PLXDC2: variants seen among roughly 807,000 people sequenced by gnomAD.
The protein encoded by PLXDC2 is plexin domain containing 2, also known as plexin domain-containing protein 2.
A neutral mutation model predicts 68.9 loss-of-function variants in PLXDC2; 40 were observed. The observed-to-expected ratio is 0.58, with a 90% CI of 0.45 to 0.76. The LOEUF is 0.76. Among genes scored for constraint, PLXDC2 ranks in the 30% least tolerant of loss-of-function variants. The pLI is 0.00. For synonymous variants in PLXDC2, 243 were observed against 234.2 expected (o/e 1.04, Z -0.34); for missense variants, 644 against 661.9 (o/e 0.97, Z 0.30).
At chr10:20,015,982 T>G (rs961338337) in intron 2 of PLXDC2, among the ~76,000 whole-genome samples, 1 of 152,200 alleles carries the variant, frequency 6.6e-6, no homozygotes, top group Non-Finnish European at 1.5e-5. Context: ...ATGTCACCAT[T>G]ATGGCAAAGC....
chr10:20,145,681 C>T (rs1834066883), intron 5 of PLXDC2, among the ~76,000 whole-genome samples: 2 of 152,034 alleles, frequency 1.3e-5, no homozygotes, highest in Admixed American at 6.6e-5. Flanking sequence ...TCCCGAGTAG[C>T]TGGGACTACA....
At chr10:20,112,731 A>T (rs1833574984) in intron 4 of PLXDC2, among the ~76,000 whole-genome samples, 1 of 152,210 alleles carries the variant, frequency 6.6e-6, no homozygotes, top group Non-Finnish European at 1.5e-5. Flanking sequence ...ACCTTAGTTT[A>T]TTCGAAAGAT....
At chr10:19,825,588 C>T (rs1449050963) in intron 1 of PLXDC2, among the ~76,000 whole-genome samples, 1 of 152,100 alleles carries the variant, frequency 6.6e-6, no homozygotes, top group African/African-American at 2.4e-5. Context: ...ACAGTAGTAA[C>T]TCCTACCATT....
intron 1 of PLXDC2, among the ~76,000 whole-genome samples, chr10:19,913,741 C>T (rs1371264213): frequency 2.0e-5 from 3 of 152,120 alleles, no homozygotes; most frequent in African/African-American, 7.2e-5. Context: ...AAAGAGTATG[C>T]TGGGAGTGGG....
intron 3 of PLXDC2, among the ~76,000 whole-genome samples, chr10:20,063,277 G>C (rs1188331174): frequency 2.6e-5 from 4 of 152,202 alleles, no homozygotes; most frequent in Non-Finnish European, 4.4e-5. Context: ...CTTCCTACAA[G>C]CCACTTTCAG....
intron 3 of PLXDC2, among the ~76,000 whole-genome samples, chr10:20,062,238 G>C: frequency 6.6e-6 from 1 of 152,120 alleles, no homozygotes. Flanking sequence ...ATCCTGGCCA[G>C]CATGGTGAAA....
chr10:19,990,922 T>C (rs1834737333), intron 1 of PLXDC2, among the ~76,000 whole-genome samples: 1 of 152,214 alleles, frequency 6.6e-6, no homozygotes. Context: ...AAAAAAATCT[T>C]ACTAAATTCA....
In PLXDC2 at chr10:19,817,744, C is replaced by A. The variant is rs552929691; in HGVS notation, c.112+553C>A. Among the ~76,000 whole-genome samples the A allele has an allele frequency of 2.6e-5, 4 of 152,302 alleles. No homozygotes were observed. The East Asian group carries it at 7.7e-4, about 29-fold the overall frequency. On this transcript the variant is annotated intron_variant, in intron 1 of 13. Coordinates refer to ENST00000377252, the MANE Select transcript of PLXDC2 (RefSeq NM_032812.9). ...CGCTGGAAGGGGGGCGGGGTAAATG[C>A]GGCCGGCGCAGAGGTGGGGAGCAGG...
intron 10 of PLXDC2, among the ~76,000 whole-genome samples, chr10:20,216,112 A>C (rs1835133314): frequency 6.6e-6 from 1 of 152,114 alleles, no homozygotes; most frequent in Non-Finnish European, 1.5e-5. Context: ...AAAACTAAAA[A>C]AAAAAAAAAA....
At chr10:19,859,433 T>C (rs958303713) in intron 1 of PLXDC2, among the ~76,000 whole-genome samples, 1 of 152,188 alleles carries the variant, frequency 6.6e-6, no homozygotes, top group Non-Finnish European at 1.5e-5. Context: ...AGACTGTACC[T>C]TTTGGTGCTA....
chr10:20,057,848 C>A (rs894743242), intron 3 of PLXDC2, among the ~76,000 whole-genome samples: 1 of 151,478 alleles, frequency 6.6e-6, no homozygotes, highest in African/African-American at 2.4e-5. Context: ...TGTTGAGAAG[C>A]ATCAAAGTAC....
At chr10:19,883,626 G>T (rs569992655) in intron 1 of PLXDC2, among the ~76,000 whole-genome samples, 1 of 151,842 alleles carries the variant, frequency 6.6e-6, no homozygotes, top group Non-Finnish European at 1.5e-5. Context: ...GAAATAGTTT[G>T]AATAGTGTCT....
At chr10:20,121,462 C>T (rs1436255109) in intron 4 of PLXDC2, among the ~76,000 whole-genome samples, 1 of 152,060 alleles carries the variant, frequency 6.6e-6, no homozygotes, top group East Asian at 1.9e-4. Flanking sequence ...GAGAATTATG[C>T]CGAGATAGGT....
intron 13 of PLXDC2, among the ~76,000 whole-genome samples, chr10:20,251,173 A>G (rs1034920665): frequency 6.6e-6 from 1 of 152,070 alleles, no homozygotes; most frequent in African/African-American, 2.4e-5. Context: ...TATCTTCTAT[A>G]TTGCTCCATC....
At chr10:20,078,463 A>C (rs1011103229) in intron 4 of PLXDC2, among the ~76,000 whole-genome samples, 2 of 152,214 alleles carry the variant, frequency 1.3e-5, no homozygotes, top group African/African-American at 4.8e-5. Flanking sequence ...ACAGTTTGAA[A>C]AATAAGAGTC....
chr10:19,870,138 A>T lies in PLXDC2; in HGVS notation c.112+52947A>T, dbSNP rs147791561. ...ACAAAGGGAACAAACTTGGGGTCTT[A>T]TTCAAGTGACTATTATAAAATGATT... On this transcript the variant is annotated intron_variant, in intron 1 of 13. Coordinates refer to ENST00000377252, the MANE Select transcript of PLXDC2 (RefSeq NM_032812.9). Among the ~76,000 whole-genome samples, 68 of 152,330 alleles carry T rather than the reference A, an allele frequency of 4.5e-4. No homozygotes were observed. The East Asian group carries it at 0.011, about 26-fold the overall frequency.
intron 2 of PLXDC2, among the ~76,000 whole-genome samples, chr10:20,014,822 A>T (rs1835181305): frequency 6.6e-6 from 1 of 152,222 alleles, no homozygotes; most frequent in African/African-American, 2.4e-5. Context: ...TCTGCACACA[A>T]TCACAAAAGA....
intron 9 of PLXDC2, among the ~76,000 whole-genome samples, chr10:20,186,405 A>T (rs951337678): frequency 1.3e-5 from 2 of 151,918 alleles, no homozygotes; most frequent in African/African-American, 4.8e-5. Context: ...TCTAGAGTGT[A>T]TTCTTTTTCT....
At chr10:20,104,733 G>A (rs1833467700) in intron 4 of PLXDC2, among the ~76,000 whole-genome samples, 1 of 151,902 alleles carries the variant, frequency 6.6e-6, no homozygotes, top group African/African-American at 2.4e-5. Flanking sequence ...CTTACTTCTT[G>A]CAATGTTGCC....
Sources: allele counts gnomAD v4.1 joint callset (sites outside exome capture counted in the v4.1 genomes callset), GRCh38; gene constraint gnomAD v4.1.1; transcripts MANE v1.5; gene names NCBI Gene and HGNC (gene_info 2026-07-23, HGNC 2026-07-21).